PCDHGB6: variants seen among roughly 807,000 people sequenced by gnomAD.
PCDHGB6 encodes the protein protocadherin gamma-B6.
Under a neutral mutation model 59.1 loss-of-function variants are expected in PCDHGB6, and 51 were observed. The ratio of observed to expected loss-of-function variants is 0.86; its 90% CI spans 0.69 to 1.09. The LOEUF is 1.09. Ranked by LOEUF, PCDHGB6 falls within the 50% of genes least tolerant of loss-of-function variation. The probability of loss-of-function intolerance (pLI) is 0.00; values close to 1 mark genes in which losing one functional copy is unlikely to be tolerated. For synonymous variants in PCDHGB6, 466 were observed against 495.1 expected (o/e 0.94, Z 0.78); for missense variants, 1,148 against 1,205.1 (o/e 0.95, Z 0.70).
chr5:141,417,634 G>A, intron 1 of PCDHGB6: 1 of 721,778 alleles, frequency 1.4e-6, no homozygotes, highest in Non-Finnish European at 2.1e-6. Context: ...GCTGACGCCG[G>A]GGATCCCTCA....
At chr5:141,429,091 T>A (rs985605582) in intron 1 of PCDHGB6, 2 of 152,160 alleles carry the variant, frequency 1.3e-5, no homozygotes, top group African/African-American at 4.8e-5. Flanking sequence ...CCTGACCTCG[T>A]GATCTGCCCG....
intron 2 of PCDHGB6, among the ~76,000 whole-genome samples, chr5:141,502,654 C>G (rs1424933188): frequency 6.6e-6 from 1 of 152,112 alleles, no homozygotes; most frequent in African/African-American, 2.4e-5. Context: ...TAGGCAGCAA[C>G]CCTTCATGCA....
rs1562065751 is a variant in PCDHGB6, at chr5:141,477,907, C to T, written c.2419-16900C>T. The T allele has an allele frequency of 1.9e-6, 3 of 1,614,164 alleles. No homozygotes were observed. The highest frequency in any genetic ancestry group is 2.2e-5 in the East Asian group (1 of 44,872). ...TAGTGTCACGGGTGGTAGGCTGGGA[C>T]GCGGATGCAGGGCACAATGCCTGGC... On this transcript the variant is annotated intron_variant, in intron 1 of 3. Transcript: ENST00000520790. This position sits in a 1 kb window ranked among gnomAD's most constrained non-coding sequence, Gnocchi z 4.9.
At position 141,486,878 on chromosome 5, in the gene PCDHGB6, C is replaced by T. The variant is rs772994346; in HGVS notation, c.2419-7929C>T. ...CAATGCTCCAGCTGTGCTCCGTCCT[C>T]GGGCCCGGCCTGGTTCCTTATGTCC... On this transcript the variant is annotated intron_variant, in intron 1 of 3. Transcript: ENST00000520790. The surrounding 1 kb of genome is among the most constrained non-coding windows in gnomAD (Gnocchi z 5.0). 3.0e-5 allele frequency: 49 copies of T among 1,614,114 alleles called. No homozygotes were observed. The highest frequency in any genetic ancestry group is 4.4e-5 in the South Asian group (4 of 91,088).
intron 1 of PCDHGB6, among the ~76,000 whole-genome samples, chr5:141,452,199 G>T (rs2098736057): frequency 1.3e-5 from 2 of 151,778 alleles, no homozygotes; most frequent in African/African-American, 4.8e-5. Flanking sequence ...AATTGTTTTA[G>T]ATGTTACCAA....
intron 2 of PCDHGB6, among the ~76,000 whole-genome samples, chr5:141,500,359 C>T (rs2099799599): frequency 6.6e-6 from 1 of 152,032 alleles, no homozygotes; most frequent in Non-Finnish European, 1.5e-5. Flanking sequence ...CAGGCGCCCA[C>T]TACCACGCCC....
chr5:141,512,897 C>T lies in PCDHGB6; in HGVS notation c.*1724C>T, dbSNP rs1482341871. ...CTCCCACCCCACCCTCTTCCTGTGT[C>T]TCACGCAAGTTTTATACTCTAATAT... On this transcript the variant is annotated 3_prime_UTR_variant, in exon 4 of 4. Coordinates refer to ENST00000520790, the MANE Select transcript of PCDHGB6 (RefSeq NM_018926.3). 1.3e-5 allele frequency: 2 copies of T among 152,274 alleles called. No homozygotes were observed. The highest frequency in any genetic ancestry group is 4.8e-5 in the African/African-American group (2 of 41,470). The allele number at this position is 152,274 out of a possible 1,614,324, so 9.4% of individuals were successfully genotyped here. A position where few individuals can be genotyped will look rare whatever the true frequency, so the allele number is the denominator to read the frequency against.
In PCDHGB6 at chr5:141,431,561, G is replaced by T; in HGVS notation, c.2418+20941G>T. The T allele has an allele frequency of 6.2e-7, 1 of 1,614,146 alleles. No homozygotes were observed. On this transcript the variant is annotated intron_variant, in intron 1 of 3. Transcript: ENST00000520790. This position sits in a 1 kb window ranked among gnomAD's most constrained non-coding sequence, Gnocchi z 4.8. Reference sequence around the variant, plus strand: ...GCAGCTGCTTGTAGTCAACGCTACCGACCCTGACGAAGGAGTCAATGCGGA... The same window carrying T: ...GCAGCTGCTTGTAGTCAACGCTACCTACCCTGACGAAGGAGTCAATGCGGA...
intron 1 of PCDHGB6, chr5:141,419,098 G>A (rs993605209): frequency 8.7e-6 from 14 of 1,613,812 alleles, no homozygotes; most frequent in African/African-American, 2.7e-5. Context: ...TGGATCGGGA[G>A]CAGACCCCAG....
intron 1 of PCDHGB6, among the ~76,000 whole-genome samples, chr5:141,435,157 A>G (rs1387976305): frequency 6.6e-6 from 1 of 152,176 alleles, no homozygotes; most frequent in Non-Finnish European, 1.5e-5. Context: ...AAACTTTTGT[A>G]AATAGAGTGG....
At position 141,408,068 on chromosome 5, in the gene PCDHGB6, C is replaced by G; in HGVS notation, c.-135C>G. On this transcript the variant is annotated 5_prime_UTR_variant, in exon 1 of 4. Transcript: ENST00000520790. ...ACACAGAGCCTCCCGGCTGCGCAGA[C>G]CTTTCCCAGCACAGCGGATTGCCAG... is the stretch of plus-strand genomic sequence containing the variant. 7.3e-7 allele frequency: 1 copy of G among 1,367,282 alleles called. No individual in the cohort carries two copies. The highest frequency in any genetic ancestry group is 9.7e-7 in the Non-Finnish European group (1 of 1,034,196). 84.7% of individuals were successfully genotyped at this position (1,367,282 alleles called of 1,614,324 possible).
chr5:141,494,688 A>T (rs2099756168), intron 1 of PCDHGB6, 119 bp from the exon 2 acceptor site: 1 of 1,576,254 alleles, frequency 6.3e-7, no homozygotes, highest in Non-Finnish European at 8.6e-7. Context: ...GCCCCCTCTT[A>T]GTCCGTTTTC....
At chr5:141,494,763 C>T in intron 1 of PCDHGB6, 44 bp from the exon 2 acceptor site, 4 of 1,613,926 alleles carry the variant, frequency 2.5e-6, no homozygotes, top group Admixed American at 1.7e-5. Context: ...GACATTCTAA[C>T]TTCTCACGGG....
chr5:141,468,443 G>A (rs760789357), intron 1 of PCDHGB6: 6 of 152,124 alleles, frequency 3.9e-5, no homozygotes, highest in Non-Finnish European at 8.8e-5. Context: ...AAATGTGGGT[G>A]CAAAATTAAA....
rs117064561 is a variant in PCDHGB6, at chr5:141,470,737, G to T, written c.2419-24070G>T. Among the ~76,000 whole-genome samples the T allele has an allele frequency of 1.9e-3, 295 of 152,132 alleles. 7 individuals carry two copies. In the East Asian group the frequency reaches 0.046, roughly 24 times the overall value. On this transcript the variant is annotated intron_variant, in intron 1 of 3. Coordinates refer to ENST00000520790, the MANE Select transcript of PCDHGB6 (RefSeq NM_018926.3). ...TTTTGAGTCAGGGTCTTGCTCTGTC[G>T]CCCTGGCTGGAGTGCAGTGGACTCA...
At chr5:141,422,880 G>T in intron 1 of PCDHGB6, 1 of 1,614,258 alleles carries the variant, frequency 6.2e-7, no homozygotes, top group East Asian at 2.2e-5. Flanking sequence ...CGCTGAGCCT[G>T]TTCGTGCTGG....
chr5:141,494,182 C>T (rs188628485), intron 1 of PCDHGB6, among the ~76,000 whole-genome samples: 132 of 152,244 alleles, frequency 8.7e-4, no homozygotes, highest in African/African-American at 3.1e-3. Flanking sequence ...AGAAGTGTCC[C>T]GGGACTTGGA....
chr5:141,470,123 C>T (rs368463710), intron 1 of PCDHGB6, among the ~76,000 whole-genome samples: 11 of 151,234 alleles, frequency 7.3e-5, no homozygotes, highest in Admixed American at 3.3e-4. Flanking sequence ...AGCAAGACTT[C>T]GTCTCAAAAA....
At chr5:141,496,844 T>G (rs1275272674) in intron 2 of PCDHGB6, among the ~76,000 whole-genome samples, 2 of 150,852 alleles carry the variant, frequency 1.3e-5, no homozygotes, top group Non-Finnish European at 2.9e-5. Context: ...CTCATAGGCT[T>G]CCAGACCAGC....
Sources: gnomAD v4.1 joint callset for allele counts (sites outside exome capture counted in the v4.1 genomes callset) on GRCh38, gnomAD v4.1.1 for gene constraint, Gnocchi (gnomAD v3.1) non-coding constraint, MANE v1.5 for transcripts, NCBI Gene and HGNC (gene_info 2026-07-23, HGNC 2026-07-21) for gene names.